The following ERI3 variants were observed in gnomAD, a reference collection of about 807,000 sequenced individuals.
ERI3 encodes the protein ERI1 exoribonuclease 3.
In ERI3, 18 loss-of-function variants were observed where a neutral mutation model predicts 44.4. The ratio of observed to expected loss-of-function variants is 0.41; its 90% confidence interval spans 0.28 to 0.60. The LOEUF (loss-of-function observed/expected upper bound fraction) is 0.60. Ranked by LOEUF, ERI3 falls within the 20% of genes least tolerant of loss-of-function variation. The pLI, the probability that ERI3 is intolerant of heterozygous loss-of-function variation, is 0.36. For missense variants in ERI3, 294 were observed against 435.5 expected (o/e 0.68, Z 2.89); for synonymous variants, 183 against 164.8 (o/e 1.11, Z -0.84).
chr1:44,344,862 T>G (rs1406217999), intron 2 of ERI3, among the ~76,000 whole-genome samples: 1 of 152,078 alleles, frequency 6.6e-6, no homozygotes, highest in Non-Finnish European at 1.5e-5. Flanking sequence ...CTCCTCAATA[T>G]GAAGGGCCCA....
rs1646608010 is a variant in ERI3 at position 44,339,476 on chromosome 1, T to C, written c.212-154A>G. ...AACATGGGCCACTCCCCAGTGTTTC[T>C]GGGCCCCTTTTCTAAATCATAGTAT... On this transcript the variant is annotated intron_variant, in intron 2 of 8. Coordinates refer to ENST00000372257, the MANE Select transcript of ERI3 (RefSeq NM_024066.3). Among the ~76,000 whole-genome samples, 4 of 152,010 alleles carry C rather than the reference T, an allele frequency of 2.6e-5. 1 individual carries two copies. The South Asian group carries it at 8.3e-4, about 31-fold the overall frequency.
chr1:44,268,387 A>G (rs1645030050), intron 7 of ERI3, among the ~76,000 whole-genome samples: 1 of 152,238 alleles, frequency 6.6e-6, no homozygotes, highest in Non-Finnish European at 1.5e-5. Flanking sequence ...AAATGTCTTT[A>G]TTAGGGCTGA....
chr1:44,225,128 C>G (rs1416035820), intron 8 of ERI3, among the ~76,000 whole-genome samples: 3 of 152,076 alleles, frequency 2.0e-5, no homozygotes, highest in Non-Finnish European at 4.4e-5. Flanking sequence ...CCTGGGTTAG[C>G]AGGCTTGCCT....
chr1:44,224,357 T>G (rs1643982164), intron 8 of ERI3, among the ~76,000 whole-genome samples: 5 of 152,240 alleles, frequency 3.3e-5, no homozygotes, highest in Admixed American at 3.3e-4. Context: ...TCTGCCATGC[T>G]CAACCCTCAA....
chr1:44,241,805 C>CACAT lies in ERI3; in HGVS notation c.931+6130_931+6133dup, dbSNP rs59509064. 55,347 of 175,194 alleles carry CACAT rather than the reference C, an allele frequency of 0.32. 10,515 individuals carry two copies. The highest frequency in any genetic ancestry group is 0.57 in the East Asian group (2,824 of 4,980). The allele number at this position is 175,194 out of a possible 1,614,324, so 10.9% of individuals were successfully genotyped here. On this transcript the variant is annotated intron_variant, in intron 8 of 8. Transcript: ENST00000372257. This position sits in a 1 kb window ranked among gnomAD's most constrained non-coding sequence, Gnocchi z 5.6. The stretch of plus-strand genomic sequence containing the variant: ...TTCCTAAAGAATCAAACACACATAA[C>CACAT]ACATACATACATACATACATACATA...
At position 44,355,241 on chromosome 1, in the gene ERI3, C is replaced by G; in HGVS notation, c.-215G>C. ...AACAGCGGCAGCCAGCACCACGAGTCCACAACACACCGACTCACCTCCGCG... is the reference window on the plus strand; with the variant it reads ...AACAGCGGCAGCCAGCACCACGAGTGCACAACACACCGACTCACCTCCGCG... On this transcript the variant is annotated 5_prime_UTR_variant, in exon 1 of 9. Coordinates refer to ENST00000372257, the MANE Select transcript of ERI3 (RefSeq NM_024066.3). 8.5e-6 allele frequency: 10 copies of G among 1,176,878 alleles called. No individual in the cohort carries two copies. Among genetic ancestry groups the G allele is most frequent in the Non-Finnish European group, 1.0e-5 (10 of 952,850 alleles). The allele number at this position is 1,176,878 out of a possible 1,614,324, so 72.9% of individuals were successfully genotyped here.
chr1:44,273,215 T>C (rs954273835), intron 7 of ERI3, among the ~76,000 whole-genome samples: 1 of 152,218 alleles, frequency 6.6e-6, no homozygotes, highest in Non-Finnish European at 1.5e-5. Context: ...CTGAGTCCCA[T>C]AAATGCTAAG....
intron 2 of ERI3, among the ~76,000 whole-genome samples, chr1:44,347,664 T>C (rs1222088946): frequency 6.6e-6 from 1 of 152,208 alleles, no homozygotes; most frequent in South Asian, 2.1e-4. Flanking sequence ...TCATAACTTT[T>C]ATCTCACTAT....
chr1:44,340,965 C>G (rs912421287), intron 2 of ERI3, among the ~76,000 whole-genome samples: 1 of 152,166 alleles, frequency 6.6e-6, no homozygotes, highest in Non-Finnish European at 1.5e-5. Flanking sequence ...TGGAAGACAC[C>G]AGTCTGCTCA....
intron 2 of ERI3, among the ~76,000 whole-genome samples, chr1:44,349,013 A>C (rs934482145): frequency 6.6e-6 from 1 of 152,220 alleles, no homozygotes; most frequent in African/African-American, 2.4e-5. Flanking sequence ...CAGGGTATCA[A>C]CACTAATAAA....
intron 3 of ERI3, chr1:44,323,088 A>C: frequency 1.9e-6 from 1 of 533,756 alleles, no homozygotes; most frequent in South Asian, 5.0e-5. Context: ...AGTTTTGTGT[A>C]AAAGTAGCAC....
chr1:44,342,828 T>TAA (rs1646689801), intron 2 of ERI3, among the ~76,000 whole-genome samples: 3 of 18,770 alleles, frequency 1.6e-4, no homozygotes, highest in African/African-American at 4.7e-4. Context: ...TATATATATA[T>TAA]ATATATATAT....
At chr1:44,273,771 G>A (rs1036794612) in intron 7 of ERI3, among the ~76,000 whole-genome samples, 4 of 152,226 alleles carry the variant, frequency 2.6e-5, no homozygotes, top group African/African-American at 9.6e-5. Flanking sequence ...ACCCACAAGG[G>A]TTTTGAAGGA....
At chr1:44,333,009 T>C (rs1423514341) in intron 3 of ERI3, among the ~76,000 whole-genome samples, 1 of 152,236 alleles carries the variant, frequency 6.6e-6, no homozygotes, top group African/African-American at 2.4e-5. Context: ...AAGGCAATAA[T>C]TGCTCTGATG....
chr1:44,295,505 G>A (rs1165462285), intron 6 of ERI3, among the ~76,000 whole-genome samples: 1 of 152,122 alleles, frequency 6.6e-6, no homozygotes, highest in East Asian at 1.9e-4. Context: ...CTCTCAACAG[G>A]TGCTGACTTT....
rs1349936685 is a variant in ERI3, at chr1:44,235,644, T to C, written c.931+12295A>G. On this transcript the variant is annotated intron_variant, in intron 8 of 8. Coordinates refer to ENST00000372257, the MANE Select transcript of ERI3 (RefSeq NM_024066.3). This position sits in a 1 kb window ranked among gnomAD's most constrained non-coding sequence, Gnocchi z 4.6. ...CCAAAGCCTTGACATGCCCAGGCCC[T>C]GAAACCCTGTCATGGTCTTTGTCTC... Among the ~76,000 whole-genome samples, 1 of 152,232 alleles carries C rather than the reference T, an allele frequency of 6.6e-6. No individual in the cohort carries two copies. Among genetic ancestry groups the C allele is most frequent in the Non-Finnish European group, 1.5e-5 (1 of 68,042 alleles).
chr1:44,320,351 G>A lies in ERI3; in HGVS notation c.490-607C>T, dbSNP rs549334024. On this transcript the variant is annotated intron_variant, in intron 3 of 8. Transcript: ENST00000372257. ...CTACCTCTACAACGCCAGCCCAATC[G>A]CTTAGCTAGCCTTTCCCAGTCCACT... Among the ~76,000 whole-genome samples, 102 of 152,316 alleles carry A rather than the reference G, an allele frequency of 6.7e-4. 1 individual carries two copies. Among genetic ancestry groups the A allele is most frequent in the East Asian group, 1.9e-4 (1 of 5,186 alleles).
intron 3 of ERI3, among the ~76,000 whole-genome samples, chr1:44,328,570 T>C (rs1209474457): frequency 6.6e-6 from 1 of 152,164 alleles, no homozygotes; most frequent in Non-Finnish European, 1.5e-5. Context: ...ATGTGTCAGA[T>C]TGCAGGTTCT....
At chr1:44,338,149 T>A (rs1335245244) in intron 3 of ERI3, among the ~76,000 whole-genome samples, 1 of 152,222 alleles carries the variant, frequency 6.6e-6, no homozygotes, top group Non-Finnish European at 1.5e-5. Context: ...AAAGAAATTG[T>A]CCTTTCCAAC....
Sources: allele counts gnomAD v4.1 joint callset (sites outside exome capture counted in the v4.1 genomes callset), GRCh38; gene constraint gnomAD v4.1.1; non-coding constraint Gnocchi (gnomAD v3.1); transcripts MANE v1.5; gene names NCBI Gene and HGNC (gene_info 2026-07-23, HGNC 2026-07-21).